The following NCOR2 variants were observed in gnomAD, a reference collection of about 807,000 sequenced individuals.
The protein encoded by NCOR2 is nuclear receptor corepressor 2.
A neutral mutation model predicts 262.9 loss-of-function variants in NCOR2; 81 were observed. That is an observed-to-expected ratio of 0.31 (90% confidence interval 0.26 to 0.37). NCOR2 has a LOEUF of 0.37. Ranked by LOEUF, NCOR2 falls within the 10% of genes least tolerant of loss-of-function variation. The probability of loss-of-function intolerance (pLI) is 1.00; values close to 1 mark genes in which losing one functional copy is unlikely to be tolerated. For synonymous variants in NCOR2, 1,659 were observed against 1,559.3 expected, an observed-to-expected ratio of 1.06 and a Z score of -1.51; for missense variants, 3,385 against 3,621.4, an observed-to-expected ratio of 0.93 and a Z score of 1.68.
intron 1 of NCOR2, among the ~76,000 whole-genome samples, chr12:124,506,445 G>C (rs1027068917): frequency 6.6e-6 from 1 of 152,060 alleles, no homozygotes; most frequent in Non-Finnish European, 1.5e-5. Context: ...CCCCCGCCAC[G>C]GCGAAGTATG....
intron 3 of NCOR2, among the ~76,000 whole-genome samples, chr12:124,479,909 G>A (rs1318810437): frequency 6.6e-6 from 1 of 152,222 alleles, no homozygotes; most frequent in Non-Finnish European, 1.5e-5. Context: ...TCTACAAAAG[G>A]GGGTCACAGA....
chr12:124,357,727 C>G (rs2038063239), intron 22 of NCOR2, among the ~76,000 whole-genome samples: 1 of 152,296 alleles, frequency 6.6e-6, no homozygotes, highest in Non-Finnish European at 1.5e-5. Flanking sequence ...TGTTCACTCT[C>G]CGGCTCTTTG....
intron 31 of NCOR2, among the ~76,000 whole-genome samples, chr12:124,345,489 G>A (rs1290381405): frequency 6.6e-6 from 1 of 152,186 alleles, no homozygotes; most frequent in East Asian, 1.9e-4. Flanking sequence ...TGGGACCTTC[G>A]TAGCCAGGCC....
intron 5 of NCOR2, among the ~76,000 whole-genome samples, chr12:124,460,071 C>T (rs2046086432): frequency 6.6e-6 from 1 of 152,234 alleles, no homozygotes; most frequent in Non-Finnish European, 1.5e-5. Context: ...CCACCTCCCT[C>T]GACCACTCGT....
At chr12:124,415,325 C>A (rs1565921872) in intron 13 of NCOR2, among the ~76,000 whole-genome samples, 1 of 152,256 alleles carries the variant, frequency 6.6e-6, no homozygotes, top group Non-Finnish European at 1.5e-5. Context: ...GTGTCAGTGG[C>A]TCCACAAATA....
At chr12:124,499,192 C>A (rs1364998462), upstream of NCOR2, among the ~76,000 whole-genome samples, 2 of 152,366 alleles carry the variant, frequency 1.3e-5, no homozygotes, top group African/African-American at 4.8e-5. Context: ...GACGAGGGAG[C>A]CCCTCCAGGG....
rs1236424574 is a variant in NCOR2, at chr12:124,439,076, GAGAGAA to G, written c.816-1086_816-1081del. On this transcript the variant is annotated intron_variant, in intron 7 of 46. Coordinates refer to ENST00000405201, the Ensembl canonical transcript of NCOR2. ...AGACAGAGGGAGACAGAGACCCAGA[GAGAGAA>G]ACAGAGACCCAGAGACAGAGGGAGA... Among the ~76,000 whole-genome samples the G allele has an allele frequency of 3.1e-3, 443 of 144,022 alleles. 2 individuals are homozygous for G. The highest frequency in any genetic ancestry group is 4.6e-3 in the Non-Finnish European group (293 of 63,696). 94.5% of individuals were successfully genotyped at this position (144,022 alleles called of 152,430 possible).
In NCOR2 at chr12:124,457,065, C is replaced by A; in HGVS notation, c.762+41G>T. 2 of 1,241,690 alleles carry A rather than the reference C, an allele frequency of 1.6e-6. No homozygotes were observed. The highest frequency in any genetic ancestry group is 2.9e-5 in the South Asian group (2 of 68,994). The allele number at this position is 1,241,690 out of a possible 1,614,324, so 76.9% of individuals were successfully genotyped here. On this transcript the variant is annotated intron_variant, in intron 6 of 46. Transcript: ENST00000405201. This position sits in a 1 kb window ranked among gnomAD's most constrained non-coding sequence, Gnocchi z 4.0. ...CTCCCTGCCCACCTCTCCAGCCACC[C>A]CCGCCCTCCCCTGAGCCCCTGACCC...
intron 38 of NCOR2, 159 bp downstream of exon 40, chr12:124,336,594 A>C: frequency 1.0e-6 from 1 of 983,580 alleles, no homozygotes; most frequent in Non-Finnish European, 1.2e-6. Context: ...ATCTGAAAAT[A>C]TCTTTGGACC....
intron 17 of NCOR2, among the ~76,000 whole-genome samples, chr12:124,384,502 C>CT (rs2040646739): frequency 6.6e-6 from 1 of 152,178 alleles, no homozygotes; most frequent in South Asian, 2.1e-4. Context: ...GCCCTGACCA[C>CT]AGGGCCGTGG....
intron 1 of NCOR2, among the ~76,000 whole-genome samples, chr12:124,553,933 G>A (rs959910036): frequency 6.6e-6 from 1 of 152,164 alleles, no homozygotes; most frequent in Non-Finnish European, 1.5e-5. Flanking sequence ...AAAATGGGGA[G>A]TGGGGGAGCT....
intron 13 of NCOR2, among the ~76,000 whole-genome samples, chr12:124,404,903 G>A (rs1180325851): frequency 2.0e-5 from 3 of 152,218 alleles, no homozygotes; most frequent in Non-Finnish European, 4.4e-5. Context: ...GGAGAGCAGT[G>A]ATCACTGGTC....
intron 16 of NCOR2, among the ~76,000 whole-genome samples, chr12:124,388,274 C>T (rs1023303628): frequency 6.6e-6 from 1 of 152,160 alleles, no homozygotes; most frequent in African/African-American, 2.4e-5. Context: ...GCCAGGGCTG[C>T]GGGGTAGGGG....
At chr12:124,392,656 C>T (rs1425121650) in intron 16 of NCOR2, among the ~76,000 whole-genome samples, 1 of 152,258 alleles carries the variant, frequency 6.6e-6, no homozygotes, top group African/African-American at 2.4e-5. Flanking sequence ...ACAGGCGCTC[C>T]TCTTTTGGGG....
At chr12:124,544,323 G>A (rs1210402328) in intron 1 of NCOR2, among the ~76,000 whole-genome samples, 1 of 152,230 alleles carries the variant, frequency 6.6e-6, no homozygotes, top group East Asian at 1.9e-4. Flanking sequence ...TCCCAGAGAG[G>A]CTGCCTGGCC....
At chr12:124,542,292 G>A (rs2051395984) in intron 1 of NCOR2, among the ~76,000 whole-genome samples, 1 of 151,990 alleles carries the variant, frequency 6.6e-6, no homozygotes, top group South Asian at 2.1e-4. Flanking sequence ...CCAGGGCTCA[G>A]TATAAATCCT....
At chr12:124,546,494 C>T (rs577949772) in intron 1 of NCOR2, among the ~76,000 whole-genome samples, 41 of 152,180 alleles carry the variant, frequency 2.7e-4, no homozygotes, top group Admixed American at 1.6e-3. Flanking sequence ...CTGCAGCCTC[C>T]GCCTCCACCT....
At chr12:124,465,670 C>G (rs1230645271) in intron 5 of NCOR2, among the ~76,000 whole-genome samples, 1 of 152,176 alleles carries the variant, frequency 6.6e-6, no homozygotes, top group Non-Finnish European at 1.5e-5. Flanking sequence ...CCAATGCTTC[C>G]TAGCTGTGTG....
At chr12:124,325,379 C>CCCCCG in exon 47 of NCOR2, 6 of 317,182 alleles carry the variant, frequency 1.9e-5, no homozygotes, top group South Asian at 1.0e-4. Context: ...CTGACACCGC[C>CCCCCG]CCCCCCCCCG....
Sources: allele counts gnomAD v4.1 joint callset (sites outside exome capture counted in the v4.1 genomes callset), GRCh38; gene constraint gnomAD v4.1.1; non-coding constraint Gnocchi (gnomAD v3.1); transcripts MANE v1.5; gene names NCBI Gene and HGNC (gene_info 2026-07-23, HGNC 2026-07-21).